DGKG: variants seen among roughly 807,000 people sequenced by gnomAD.
DGKG encodes the protein diacylglycerol kinase gamma, also known as DAG kinase gamma.
DGKG carries 78 observed loss-of-function variants against 105.3 expected under a neutral mutation model. The observed-to-expected ratio is 0.74, with a 90% CI of 0.62 to 0.89. The LOEUF is 0.89. DGKG is among the 40% of genes least tolerant of loss of function. DGKG has a pLI of 0.00. For synonymous variants in DGKG, 346 were observed against 367.1 expected, an observed-to-expected ratio of 0.94 and a Z score of 0.66; for missense variants, 958 against 1,020.1, an observed-to-expected ratio of 0.94 and a Z score of 0.83.
chr3:186,147,449 A>G lies in DGKG; in HGVS notation c.*2641T>C. ...GAGGGTCACTATGATGAGGGACTCC[A>G]CCACAAGAAACCACAGTCATAGTGT... On this transcript the variant is annotated 3_prime_UTR_variant, in exon 25 of 25. Transcript: ENST00000265022. 2.0e-6 allele frequency: 2 copies of G among 985,272 alleles called. No individual in the cohort carries two copies. The highest frequency in any genetic ancestry group is 2.4e-6 in the Non-Finnish European group (2 of 829,716). 61.0% of individuals were successfully genotyped at this position (985,272 alleles called of 1,614,324 possible).
At position 186,299,767 on chromosome 3, in the gene DGKG, C is replaced by CTCTTTCTT. The variant is rs56331660; in HGVS notation, c.145-1546_145-1539dup. Among the ~76,000 whole-genome samples the CTCTTTCTT allele has an allele frequency of 7.4e-3, 705 of 95,378 alleles. 25 individuals are homozygous for CTCTTTCTT. Among genetic ancestry groups the CTCTTTCTT allele is most frequent in the East Asian group, 0.022 (64 of 2,864 alleles). The allele number at this position is 95,378 out of a possible 152,430, so 62.6% of individuals were successfully genotyped here. A position where few individuals can be genotyped will look rare whatever the true frequency, so the allele number is the denominator to read the frequency against. Reference sequence around the variant, plus strand: ...CTCTCTTTTCTTTTTTTCTTCTTTTCTCTTTCTTTCTTTCTTTCTTTCTTT... The same window carrying CTCTTTCTT: ...CTCTCTTTTCTTTTTTTCTTCTTTTCTCTTTCTTTCTTTCTTTCTTTCTTTCTTTCTTT... On this transcript the variant is annotated intron_variant, in intron 3 of 24. Coordinates refer to ENST00000265022, the MANE Select transcript of DGKG (RefSeq NM_001346.3).
intron 22 of DGKG, among the ~76,000 whole-genome samples, chr3:186,176,093 G>C (rs1487238916): frequency 6.6e-6 from 1 of 152,216 alleles, no homozygotes; most frequent in Non-Finnish European, 1.5e-5. Flanking sequence ...GTGAGCTTGG[G>C]TGGGGGTGAG....
At chr3:186,308,843 C>A (rs753930745) in intron 2 of DGKG, among the ~76,000 whole-genome samples, 1 of 152,148 alleles carries the variant, frequency 6.6e-6, no homozygotes. Flanking sequence ...AACTGTGGTA[C>A]TAATAGCTGT....
rs561011907 is a variant in DGKG, at chr3:186,263,474, G to T, written c.1270-1696C>A. ...CCCAGCTACTTGGGAGGCTGAGGCAGGAGAATCGCTTGAACCCGGGAGGCA... is the reference window on the plus strand; with the variant it reads ...CCCAGCTACTTGGGAGGCTGAGGCATGAGAATCGCTTGAACCCGGGAGGCA... On this transcript the variant is annotated intron_variant, in intron 14 of 24. Transcript: ENST00000265022. Among the ~76,000 whole-genome samples the T allele has an allele frequency of 5.3e-5, 8 of 152,142 alleles. No individual in the cohort carries two copies. In the East Asian group the frequency reaches 1.2e-3, roughly 22 times the overall value.
In DGKG at chr3:186,150,146, G is replaced by T. The variant is rs2108465277; in HGVS notation, c.2320C>A (p.Pro774Thr). The T allele has an allele frequency of 1.9e-6, 3 of 1,613,562 alleles. No homozygotes were observed. The highest frequency in any genetic ancestry group is 2.5e-6 in the Non-Finnish European group (3 of 1,179,788). The change falls in exon 25 of 25, where the codon CCT (proline) becomes ACT (threonine). Residue 774 changes from proline to threonine, a missense_variant. Pro to Thr is a conservative substitution (Grantham distance 38, BLOSUM62 -1). Coordinates refer to ENST00000265022, the MANE Select transcript of DGKG (RefSeq NM_001346.3). ...GAGAAGAAGCTGCTCTTCTGGGGAGGCCCCATCATCATGGGCGCTTGGTTC... is the reference window on the plus strand; with the variant it reads ...GAGAAGAAGCTGCTCTTCTGGGGAGTCCCCATCATCATGGGCGCTTGGTTC... ...HKNQAPMMMG[P>T]PQKSSFFSLR... is the part of the protein sequence containing the mutation.
chr3:186,272,161 G>A, intron 11 of DGKG, 94 bp downstream of exon 11: 3 of 938,304 alleles, frequency 3.2e-6, no homozygotes, highest in Non-Finnish European at 5.2e-6. Context: ...ACTGGATGAA[G>A]CTCCCAGTGC....
chr3:186,359,910 A>G (rs1727146052), intron 1 of DGKG, among the ~76,000 whole-genome samples: 1 of 152,228 alleles, frequency 6.6e-6, no homozygotes, highest in Non-Finnish European at 1.5e-5. Context: ...GATGTAATAC[A>G]ATAAGATATA....
chr3:186,321,892 C>T (rs1417727950), intron 1 of DGKG, among the ~76,000 whole-genome samples: 1 of 152,174 alleles, frequency 6.6e-6, no homozygotes, highest in Admixed American at 6.5e-5. Context: ...TAGTCTCTCG[C>T]CCTGAGAAGT....
chr3:186,187,089 G>A (rs1202378086), intron 22 of DGKG, among the ~76,000 whole-genome samples: 7 of 152,186 alleles, frequency 4.6e-5, no homozygotes, highest in African/African-American at 1.2e-4. Context: ...CAAAACATAC[G>A]GGGCCCTCTA....
intron 24 of DGKG, among the ~76,000 whole-genome samples, chr3:186,152,948 T>C (rs4686735): frequency 0.5 from 74,350 of 148,648 alleles, 18,828 homozygotes; most frequent in East Asian, 0.75. Flanking sequence ...AGGCACCAGC[T>C]GCCGCGCCCG....
At chr3:186,213,349 A>G (rs540686806) in intron 20 of DGKG, among the ~76,000 whole-genome samples, 2 of 152,318 alleles carry the variant, frequency 1.3e-5, no homozygotes, top group East Asian at 1.9e-4. Flanking sequence ...CTGAGCCCCA[A>G]TGCCATGGCA....
At chr3:186,327,917 A>C (rs1339753771) in intron 1 of DGKG, among the ~76,000 whole-genome samples, 1 of 152,144 alleles carries the variant, frequency 6.6e-6, no homozygotes, top group Non-Finnish European at 1.5e-5. Flanking sequence ...CTGTCTCCTT[A>C]GCTAGTTCCA....
chr3:186,153,988 T>A (rs1715902268), intron 24 of DGKG, among the ~76,000 whole-genome samples: 1 of 152,056 alleles, frequency 6.6e-6, no homozygotes, highest in Non-Finnish European at 1.5e-5. Context: ...CCTTAGCTAC[T>A]TGGAAGGCTG....
At chr3:186,227,323 G>A (rs1404978156) in intron 20 of DGKG, among the ~76,000 whole-genome samples, 1 of 152,126 alleles carries the variant, frequency 6.6e-6, no homozygotes, top group Non-Finnish European at 1.5e-5. Flanking sequence ...AATTCTCACA[G>A]GCACCTTGTC....
intron 21 of DGKG, among the ~76,000 whole-genome samples, chr3:186,198,791 A>AGTC (rs1195443357): frequency 6.6e-6 from 1 of 152,220 alleles, no homozygotes; most frequent in African/African-American, 2.4e-5. Context: ...ATAATAGAGA[A>AGTC]AGTACTGGGA....
At chr3:186,251,240 G>A (rs1162468644) in intron 19 of DGKG, among the ~76,000 whole-genome samples, 3 of 152,214 alleles carry the variant, frequency 2.0e-5, no homozygotes. Flanking sequence ...GGTCAGCTGG[G>A]AGGAGACTCC....
chr3:186,295,069 T>A (rs1305377867), intron 5 of DGKG, among the ~76,000 whole-genome samples: 1 of 152,186 alleles, frequency 6.6e-6, no homozygotes, highest in Admixed American at 6.5e-5. Flanking sequence ...AACTCGATAA[T>A]CCTTCCAGTT....
intron 22 of DGKG, among the ~76,000 whole-genome samples, chr3:186,184,205 T>C (rs911491055): frequency 6.6e-6 from 1 of 152,132 alleles, no homozygotes; most frequent in Non-Finnish European, 1.5e-5. Context: ...TGTATTATTA[T>C]GCCAGTTTTA....
chr3:186,257,641 T>A (rs1721543424), intron 17 of DGKG: 2 of 494,290 alleles, frequency 4.0e-6, no homozygotes, highest in Non-Finnish European at 7.3e-6. Flanking sequence ...AACTAAACTG[T>A]TACCTCCGTA....
Sources: allele counts gnomAD v4.1 joint callset (sites outside exome capture counted in the v4.1 genomes callset), GRCh38; gene constraint gnomAD v4.1.1; transcripts MANE v1.5; gene names NCBI Gene and HGNC (gene_info 2026-07-23, HGNC 2026-07-21).